Variants in LRIF1 observed in about 807,000 individuals in gnomAD.
LRIF1 encodes ligand dependent nuclear receptor interacting factor 1.
In LRIF1, 32 loss-of-function variants were observed where a neutral mutation model predicts 52.7. That is an observed-to-expected ratio of 0.61 (90% confidence interval 0.46 to 0.82). The LOEUF (loss-of-function observed/expected upper bound fraction) is 0.82, where lower values mean the gene tolerates loss of function less well. Among genes scored for constraint, LRIF1 ranks in the 40% least tolerant of loss-of-function variants. The pLI is 0.00. For synonymous variants in LRIF1, 323 were observed against 317.4 expected (o/e 1.02, Z -0.19); for missense variants, 887 against 892.0 (o/e 0.99, Z 0.07).
the LRIF1 span, among the ~76,000 whole-genome samples, chr1:110,927,358 C>T: frequency 1.3e-5 from 2 of 151,886 alleles, no homozygotes; most frequent in East Asian, 3.8e-4. Flanking sequence ...ACTTGGAGTC[C>T]ATAATATAAG....
At chr1:110,942,000 T>G in the LRIF1 span, 1 of 152,114 alleles carries the variant, frequency 6.6e-6, no homozygotes, top group African/African-American at 2.4e-5. Context: ...GCTTTGCTTT[T>G]TTCATTTGAC....
At chr1:110,880,303 A>C in the LRIF1 span, 1 of 152,270 alleles carries the variant, frequency 6.6e-6, no homozygotes, top group Non-Finnish European at 1.5e-5. Flanking sequence ...CCCTTATGGC[A>C]TGTGGCAAAA....
chr1:110,962,839 A>T (rs564154908), intron 1 of LRIF1, among the ~76,000 whole-genome samples: 16 of 152,242 alleles, frequency 1.1e-4, no homozygotes, highest in African/African-American at 3.8e-4. Flanking sequence ...TTAATCTACT[A>T]ACCATGTGAG....
downstream of LRIF1, among the ~76,000 whole-genome samples, chr1:110,946,953 G>A (rs144991641): frequency 6.6e-5 from 10 of 151,962 alleles, no homozygotes; most frequent in African/African-American, 2.2e-4. Flanking sequence ...CACTGCACCC[G>A]GCCTGATCAT....
the LRIF1 span, chr1:110,941,236 A>G: frequency 6.6e-6 from 1 of 152,218 alleles, no homozygotes; most frequent in South Asian, 2.1e-4. Context: ...GAGTTAGGAA[A>G]TGTATAAATG....
intron 1 of LRIF1, among the ~76,000 whole-genome samples, chr1:110,957,292 C>T (rs1455134344): frequency 9.5e-6 from 1 of 104,840 alleles, no homozygotes. Context: ...CCCATCTCTA[C>T]TAAAAATACA....
Position 110,950,045 on chromosome 1 carries a change from T to G in LRIF1, c.1675A>C (p.Asn559His). The G allele has an allele frequency of 1.2e-6, 2 of 1,614,104 alleles. No homozygotes were observed. Among genetic ancestry groups the G allele is most frequent in the African/African-American group, 2.7e-5 (2 of 75,054 alleles). Reference protein sequence around the residue: ...NDKKDSQGRSNKALHLKSDAE... With the variant: ...NDKKDSQGRSHKALHLKSDAE... The stretch of plus-strand genomic sequence containing the variant: ...TCACTCTTCAGATGTAATGCCTTAT[T>G]ACTTCTTCCTTGAGAATCTTTCTTG... Residue 559 changes from asparagine to histidine, a missense_variant, in exon 3 of 4, where the codon AAT (asparagine) becomes CAT (histidine). Coordinates refer to ENST00000369763, the MANE Select transcript of LRIF1 (RefSeq NM_018372.4).
downstream of LRIF1, among the ~76,000 whole-genome samples, chr1:110,946,985 TC>T (rs1658226046): frequency 6.6e-6 from 1 of 151,888 alleles, no homozygotes; most frequent in Admixed American, 6.6e-5. Context: ...ATTGTTCTCC[TC>T]CTCCTCCTTT....
chr1:110,933,416 C>T, the LRIF1 span, among the ~76,000 whole-genome samples: 1 of 152,118 alleles, frequency 6.6e-6, no homozygotes, highest in Non-Finnish European at 1.5e-5. Context: ...CTATGTACTG[C>T]TGAAAGAGGC....
the LRIF1 span, among the ~76,000 whole-genome samples, chr1:110,914,916 T>C: frequency 1.3e-5 from 2 of 152,172 alleles, no homozygotes; most frequent in Admixed American, 6.5e-5. Context: ...CATAGTAGAA[T>C]TGAAGATATG....
At chr1:110,903,439 A>G in the LRIF1 span, among the ~76,000 whole-genome samples, 8 of 152,304 alleles carry the variant, frequency 5.3e-5, no homozygotes, top group Middle Eastern at 3.4e-3. Context: ...CAGGTCAGCC[A>G]CAGCAGATAG....
chr1:110,950,954 T>C (rs991925472), intron 2 of LRIF1, among the ~76,000 whole-genome samples: 16 of 152,186 alleles, frequency 1.1e-4, no homozygotes, highest in African/African-American at 3.6e-4. Flanking sequence ...TGTATATACA[T>C]ATACTCACAT....
At chr1:110,927,667 G>A in the LRIF1 span, among the ~76,000 whole-genome samples, 1 of 152,090 alleles carries the variant, frequency 6.6e-6, no homozygotes, top group East Asian at 1.9e-4. Flanking sequence ...GACAATACGG[G>A]TCAGCTACAA....
chr1:110,911,121 A>C, the LRIF1 span, among the ~76,000 whole-genome samples: 1 of 152,178 alleles, frequency 6.6e-6, no homozygotes, highest in Non-Finnish European at 1.5e-5. Flanking sequence ...AATAAATGAG[A>C]ATAAGAAGAT....
rs1285430292 is a variant in LRIF1, at chr1:110,952,736, T to A, written c.148A>T (p.Lys50Ter). ...KNLLQLLPIPKSSGNLIPLVQ... is the reference protein window; with the variant it reads ...KNLLQLLPIP ...AGTGGTATAAGATTTCCAGAAGACT[T>A]AGGAATTGGAAGTAATTGCAGAAGA... Residue 50 changes from lysine (K) to a stop codon, truncating the protein, a stop_gained, in exon 2 of 4, where the codon AAG becomes TAG. Transcript: ENST00000369763. LOFTEE classifies it high-confidence loss of function. The A allele has an allele frequency of 6.2e-7, 1 of 1,613,690 alleles. No homozygotes were observed. Among genetic ancestry groups the A allele is most frequent in the Non-Finnish European group, 8.5e-7 (1 of 1,179,856 alleles).
At chr1:110,905,809 AAAT>A in the LRIF1 span, among the ~76,000 whole-genome samples, 3 of 152,224 alleles carry the variant, frequency 2.0e-5, no homozygotes, top group Admixed American at 2.0e-4. Flanking sequence ...AATAAATCAA[AAAT>A]AATAACTACA....
At chr1:110,894,543 G>C in the LRIF1 span, 2 of 624,264 alleles carry the variant, frequency 3.2e-6, no homozygotes, top group Non-Finnish European at 2.8e-6. Context: ...GAGAGTAATT[G>C]TAATTGGGGG....
At chr1:110,893,800 G>GA in the LRIF1 span, among the ~76,000 whole-genome samples, 1 of 152,194 alleles carries the variant, frequency 6.6e-6, no homozygotes, top group Non-Finnish European at 1.5e-5. Context: ...AGGAATAAGT[G>GA]AAAATGTTTT....
the LRIF1 span, among the ~76,000 whole-genome samples, chr1:110,905,962 T>C: frequency 6.6e-6 from 1 of 152,150 alleles, no homozygotes; most frequent in Non-Finnish European, 1.5e-5. Context: ...TGTTAAGTTG[T>C]TATCAGGTTA....
Sources: gnomAD v4.1 joint callset for allele counts (sites outside exome capture counted in the v4.1 genomes callset) on GRCh38, gnomAD v4.1.1 for gene constraint, MANE v1.5 for transcripts, NCBI Gene and HGNC (gene_info 2026-07-23, HGNC 2026-07-21) for gene names.